PPEF1: variants seen among roughly 807,000 people sequenced by gnomAD.
PPEF1 encodes the protein serine/threonine-protein phosphatase with EF-hands 1.
A neutral mutation model predicts 53.3 loss-of-function variants in PPEF1; 12 were observed. The observed-to-expected ratio is 0.23, with a 90% confidence interval of 0.14 to 0.36. The LOEUF (loss-of-function observed/expected upper bound fraction) is 0.36, where lower values mean the gene tolerates loss of function less well. PPEF1 is among the 10% of genes least tolerant of loss of function. PPEF1 has a pLI of 1.00. For synonymous variants in PPEF1, 165 were observed against 176.7 expected, an observed-to-expected ratio of 0.93 and a Z score of 0.52; for missense variants, 334 against 490.4, an observed-to-expected ratio of 0.68 and a Z score of 3.01.
chrX:18,680,241 C>T (rs978010307), upstream of PPEF1, among the ~76,000 whole-genome samples: 1 of 110,145 alleles, frequency 9.1e-6, no homozygotes, highest in African/African-American at 3.3e-5. Flanking sequence ...CTCTCAGCCT[C>T]GAATAGTTTT....
chrX:18,809,632 A>G (rs12013092), intron 12 of PPEF1, among the ~76,000 whole-genome samples: 5,964 of 108,064 alleles, frequency 0.055, 451 homozygotes, highest in African/African-American at 0.19. Flanking sequence ...TTGAGCCTGG[A>G]AGGTCAAGGC....
chrX:18,741,880 T>A (rs1280162967), intron 3 of PPEF1, among the ~76,000 whole-genome samples: 1 of 106,118 alleles, frequency 9.4e-6, no homozygotes, highest in African/African-American at 3.4e-5. Flanking sequence ...CTCACCTCAC[T>A]GCAACCTCCA....
At position 18,827,451 on chromosome X, in the gene PPEF1, A is replaced by G. The variant is rs1331269391; in HGVS notation, c.1926A>G (p.Glu642=). The stretch of plus-strand genomic sequence containing the variant: ...CTTTCTATGTAGTGCATAGATATGA[A>G]GACTTGATGAAACCTGATGTCACCA... ...LKAFYVVHRY[E]DLMKPDVTNL... is the part of the protein sequence containing the mutation. Residue 642 remains glutamate (E), a synonymous_variant, in exon 16 of 16, where the codon GAA becomes GAG. Coordinates refer to ENST00000470157, the MANE Select transcript of PPEF1 (RefSeq NM_001377996.1). 8.3e-7 allele frequency: 1 copy of G among 1,210,961 alleles called. No homozygotes were observed. The highest frequency in any genetic ancestry group is 2.2e-5 in the Admixed American group (1 of 45,959).
At chrX:18,806,296 AC>A (rs1763237975) in intron 11 of PPEF1, 106 bp from the exon 12 acceptor site, 2 of 859,017 alleles carry the variant, frequency 2.3e-6, no homozygotes, top group Admixed American at 2.9e-5. Flanking sequence ...GGGTTTATGA[AC>A]CTTCTTTGAT....
chrX:18,775,364 C>T (rs1195231928), intron 6 of PPEF1, among the ~76,000 whole-genome samples: 2 of 109,448 alleles, frequency 1.8e-5, no homozygotes, highest in Admixed American at 9.8e-5. Context: ...GCTGGGATTA[C>T]AGGTGCGTGC....
intron 15 of PPEF1, 26 bp from the exon 16 acceptor site, chrX:18,827,250 C>T (rs1052517574): frequency 8.5e-7 from 1 of 1,177,000 alleles, no homozygotes; most frequent in African/African-American, 1.8e-5. Flanking sequence ...AATGAACACT[C>T]ACAACCTTCT....
At chrX:18,716,989 C>T (rs2044471579) in intron 1 of PPEF1, among the ~76,000 whole-genome samples, 1 of 109,416 alleles carries the variant, frequency 9.1e-6, no homozygotes, top group Non-Finnish European at 1.9e-5. Context: ...TTCCTTCTGC[C>T]TCTCCTGCTC....
chrX:18,680,669 A>G (rs1430195994), upstream of PPEF1, among the ~76,000 whole-genome samples: 1 of 110,116 alleles, frequency 9.1e-6, no homozygotes, highest in African/African-American at 3.3e-5. Flanking sequence ...CACAACGTGC[A>G]GGTTTGTTAC....
At position 18,825,731 on chromosome X, in the gene PPEF1, T is replaced by C. The variant is rs763731958; in HGVS notation, c.1666-20T>C. On this transcript the variant is annotated intron_variant, in intron 14 of 15. Transcript: ENST00000470157. ...TCATGAATTCAATATGTTCTAACAC[T>C]TAGAAAATCTTTATTTTAGGCTCAT... The C allele has an allele frequency of 3.6e-6, 4 of 1,109,619 alleles. No individual in the cohort carries two copies. The highest frequency in any genetic ancestry group is 3.6e-6 in the Non-Finnish European group (3 of 822,347). 91.4% of individuals were successfully genotyped at this position (1,109,619 alleles called of 1,213,427 possible).
chrX:18,736,135 G>C (rs907395355), intron 3 of PPEF1, among the ~76,000 whole-genome samples: 15 of 111,304 alleles, frequency 1.3e-4, no homozygotes, highest in African/African-American at 9.8e-5. Context: ...TCTCCTGCCT[G>C]ATTGCCCTGG....
chrX:18,782,144 G>A (rs1454472533), intron 7 of PPEF1, among the ~76,000 whole-genome samples: 1 of 111,502 alleles, frequency 9.0e-6, no homozygotes, highest in Non-Finnish European at 1.9e-5. Flanking sequence ...TCTTTCCCCA[G>A]CTATACTATA....
At position 18,784,036 on chromosome X, in the gene PPEF1, A is replaced by G. The variant is rs61731650; in HGVS notation, c.900A>G (p.Val300=). 2.5e-3 allele frequency: 3,008 copies of G among 1,196,150 alleles called. 52 individuals carry two copies. The African/African-American group carries it at 0.047, about 19-fold the overall frequency. The change falls in exon 9 of 16, where the codon GTA becomes GTG. Residue 300 remains valine (V), a synonymous_variant. Coordinates refer to ENST00000470157, the MANE Select transcript of PPEF1 (RefSeq NM_001377996.1). Reference sequence around the variant, plus strand: ...CAGACTTGAATTTACTCCACCGTGTAGAGAGGAACAAGGTAAGAAGTAATG... The same window carrying G: ...CAGACTTGAATTTACTCCACCGTGTGGAGAGGAACAAGGTAAGAAGTAATG... ...ETTDLNLLHR[V]ERNKMKSVLI...
rs1423585586 is a variant in PPEF1, at chrX:18,685,478, G to A, written c.-519-660G>A. Among the ~76,000 whole-genome samples, 6 of 111,020 alleles carry A rather than the reference G, an allele frequency of 5.4e-5. No individual in the cohort carries two copies. The East Asian group carries it at 1.7e-3, about 31-fold the overall frequency. On this transcript the variant is annotated intron_variant, in intron 2 of 21. Coordinates refer to the PPEF1 transcript ENST00000361511. The stretch of plus-strand genomic sequence containing the variant: ...AGGAGGGTGGATCACGAGGTCAGGA[G>A]ATCGAGACCATCCTGGCTAACACGG...
intron 6 of PPEF1, among the ~76,000 whole-genome samples, chrX:18,766,112 T>G (rs977742357): frequency 9.5e-6 from 1 of 105,495 alleles, no homozygotes; most frequent in Non-Finnish European, 1.9e-5. Context: ...AAAAAGAAGC[T>G]GGAAAGGTAG....
At chrX:18,708,376 C>T (rs1761441764) in intron 1 of PPEF1, among the ~76,000 whole-genome samples, 1 of 111,812 alleles carries the variant, frequency 8.9e-6, no homozygotes, top group African/African-American at 3.2e-5. Context: ...TTTCTGTACC[C>T]CCATATAATT....
chrX:18,684,669 C>T (rs1929001113), exon 2 of PPEF1, among the ~76,000 whole-genome samples: 1 of 107,912 alleles, frequency 9.3e-6, no homozygotes, highest in Non-Finnish European at 1.9e-5. Context: ...CTCTGTCGCC[C>T]AGGCTGGAGT....
intron 3 of PPEF1, among the ~76,000 whole-genome samples, chrX:18,686,455 C>T (rs912271144): frequency 2.3e-4 from 26 of 111,254 alleles, no homozygotes; most frequent in Non-Finnish European, 1.7e-4. Flanking sequence ...TATACGCCCA[C>T]CCCAAACACT....
At chrX:18,737,809 G>A (rs1569252223) in intron 3 of PPEF1, among the ~76,000 whole-genome samples, 2 of 111,415 alleles carry the variant, frequency 1.8e-5, no homozygotes, top group Non-Finnish European at 1.9e-5. Flanking sequence ...GGGTGCTCCT[G>A]TATTGGGTGC....
intron 12 of PPEF1, 125 bp downstream of exon 12, chrX:18,806,670 A>G (rs748694224): frequency 7.1e-6 from 5 of 706,972 alleles, no homozygotes. Flanking sequence ...TAGTATCAAC[A>G]AAATGTAAAT....
Sources: gnomAD v4.1 joint callset for allele counts (sites outside exome capture counted in the v4.1 genomes callset) on GRCh38, gnomAD v4.1.1 for gene constraint, MANE v1.5 for transcripts, NCBI Gene and HGNC (gene_info 2026-07-23, HGNC 2026-07-21) for gene names.